Variants in CBX5 observed in about 807,000 individuals in gnomAD.
The protein encoded by CBX5 is chromobox 5, also known as chromobox protein homolog 5.
CBX5 carries 7 observed loss-of-function variants against 20.7 expected under a neutral mutation model. The ratio of observed to expected loss-of-function variants is 0.34; its 90% CI spans 0.19 to 0.63. The LOEUF (loss-of-function observed/expected upper bound fraction) is 0.63. Among genes scored for constraint, CBX5 ranks in the 30% least tolerant of loss-of-function variants. The probability of loss-of-function intolerance (pLI) is 0.75; values close to 1 mark genes in which losing one functional copy is unlikely to be tolerated. For synonymous variants in CBX5, 78 were observed against 77.0 expected, an observed-to-expected ratio of 1.01 and a Z score of -0.07; for missense variants, 110 against 224.1, an observed-to-expected ratio of 0.49 and a Z score of 3.25.
intron 4 of CBX5, among the ~76,000 whole-genome samples, chr12:54,245,432 G>A (rs538291223): frequency 3.8e-4 from 58 of 152,182 alleles, no homozygotes; most frequent in African/African-American, 1.4e-3. Flanking sequence ...ATCAGTTAAG[G>A]ATCTCTGACA....
At chr12:54,252,519 G>A in intron 2 of CBX5, 4 of 305,640 alleles carry the variant, frequency 1.3e-5, no homozygotes, top group South Asian at 7.4e-5. Context: ...AACAAAATGT[G>A]GTATATCCAT....
chr12:54,256,220 G>A (rs547400345), intron 2 of CBX5, among the ~76,000 whole-genome samples: 17 of 152,226 alleles, frequency 1.1e-4, no homozygotes, highest in African/African-American at 4.1e-4. Context: ...TGTTACTTTA[G>A]TTCCTATCTG....
At chr12:54,252,954 T>C (rs1187509652) in intron 2 of CBX5, among the ~76,000 whole-genome samples, 1 of 119,940 alleles carries the variant, frequency 8.3e-6, no homozygotes, top group Non-Finnish European at 1.6e-5. Context: ...CACTCCTGCC[T>C]GGGCGAAAAA....
Position 54,243,307 on chromosome 12 carries a change from G to A in CBX5, c.426-1402C>T, listed in dbSNP as rs142464530. The stretch of plus-strand genomic sequence containing the variant: ...AAAAGCAGTCCAGCCCAGGCACAGC[G>A]CCTCATACCTATAATCCCAGCACTT... On this transcript the variant is annotated intron_variant, in intron 4 of 4. Transcript: ENST00000209875. 5.6e-4 allele frequency among the ~76,000 whole-genome samples: 84 copies of A among 151,186 alleles called. 1 individual carries two copies. Among genetic ancestry groups the A allele is most frequent in the African/African-American group, 1.7e-3 (69 of 41,214 alleles).
chr12:54,243,825 T>C (rs1421478475), intron 4 of CBX5, among the ~76,000 whole-genome samples: 1 of 141,492 alleles, frequency 7.1e-6, no homozygotes, highest in African/African-American at 2.6e-5. Flanking sequence ...GCCGAGATGG[T>C]ACCACTGCAC....
At chr12:54,242,394 G>A (rs1001949701) in intron 4 of CBX5, among the ~76,000 whole-genome samples, 9 of 152,012 alleles carry the variant, frequency 5.9e-5, no homozygotes, top group East Asian at 3.9e-4. Flanking sequence ...GCGTGGTGGC[G>A]GGCGCCTGTA....
chr12:54,266,318 A>T (rs534815432), intron 1 of CBX5, among the ~76,000 whole-genome samples: 1 of 152,166 alleles, frequency 6.6e-6, no homozygotes, highest in South Asian at 2.1e-4. Context: ...GAATTGCTGG[A>T]ACCTGGGAAG....
rs1370075573 is a variant in CBX5, at chr12:54,234,056, T to C, written c.*7699A>G. On this transcript the variant is annotated 3_prime_UTR_variant, in exon 5 of 5. Transcript: ENST00000209875. Reference sequence around the variant, plus strand: ...TTAGCCGGGCATGGTGGCAGGCGCCTATAATCCCAGCTGCTCAGGAGGCTG... The same window carrying C: ...TTAGCCGGGCATGGTGGCAGGCGCCCATAATCCCAGCTGCTCAGGAGGCTG... 1.3e-5 allele frequency: 2 copies of C among 151,998 alleles called. No individual in the cohort carries two copies. Among genetic ancestry groups the C allele is most frequent in the African/African-American group, 4.8e-5 (2 of 41,306 alleles). 9.4% of individuals were successfully genotyped at this position (151,998 alleles called of 1,614,324 possible).
intron 3 of CBX5, among the ~76,000 whole-genome samples, chr12:54,248,417 T>C (rs893419353): frequency 7.2e-5 from 11 of 152,352 alleles, no homozygotes; most frequent in Admixed American, 5.2e-4. Context: ...ATTTTCATAA[T>C]AAAATCTCTT....
At chr12:54,271,979 A>G (rs1944014916) in intron 1 of CBX5, 1 of 152,356 alleles carries the variant, frequency 6.6e-6, no homozygotes, top group East Asian at 1.9e-4. Context: ...TGAACAAATT[A>G]GCAGTATATT....
intron 1 of CBX5, among the ~76,000 whole-genome samples, chr12:54,266,940 C>T (rs1476859062): frequency 2.0e-5 from 3 of 152,080 alleles, no homozygotes; most frequent in Non-Finnish European, 4.4e-5. Context: ...CTAAACCCAC[C>T]ACTGGGCAAG....
At chr12:54,275,514 T>C (rs1944055415) in intron 1 of CBX5, among the ~76,000 whole-genome samples, 1 of 151,936 alleles carries the variant, frequency 6.6e-6, no homozygotes, top group South Asian at 2.1e-4. Flanking sequence ...GTGCTGGGAT[T>C]ACAGGCATAA....
At chr12:54,254,220 C>T (rs1198023093) in intron 2 of CBX5, among the ~76,000 whole-genome samples, 1 of 149,656 alleles carries the variant, frequency 6.7e-6, no homozygotes, top group East Asian at 2.0e-4. Context: ...ATCCTAGCTA[C>T]TCAGGAGGCT....
intron 3 of CBX5, among the ~76,000 whole-genome samples, chr12:54,251,786 AGAG>A (rs1943806830): frequency 6.6e-6 from 1 of 152,222 alleles, no homozygotes; most frequent in African/African-American, 2.4e-5. Context: ...TGGAGAAGGC[AGAG>A]GAGTGGTTTA....
intron 3 of CBX5, among the ~76,000 whole-genome samples, chr12:54,250,899 A>G (rs895377814): frequency 2.7e-5 from 4 of 150,290 alleles, no homozygotes; most frequent in African/African-American, 9.8e-5. Context: ...TGGGAGGCCA[A>G]GGTGGATGGA....
Position 54,233,393 on chromosome 12 carries a change from A to C in CBX5, c.*8362T>G, listed in dbSNP as rs1204947615. The C allele has an allele frequency of 6.6e-6, 1 of 152,192 alleles. No individual in the cohort carries two copies. The highest frequency in any genetic ancestry group is 2.4e-5 in the African/African-American group (1 of 41,432). 9.4% of individuals were successfully genotyped at this position (152,192 alleles called of 1,614,324 possible). A position where few individuals can be genotyped will look rare whatever the true frequency, so the allele number is the denominator to read the frequency against. The stretch of plus-strand genomic sequence containing the variant: ...GGAGGTGAGGGGTGAGGGTGACACG[A>C]GACAAACACCAAACTCACCACCAGC... On this transcript the variant is annotated 3_prime_UTR_variant, in exon 5 of 5. Coordinates refer to ENST00000209875, the MANE Select transcript of CBX5 (RefSeq NM_012117.3).
intron 1 of CBX5, chr12:54,272,773 TAA>T (rs1944022487): frequency 1.3e-5 from 2 of 152,124 alleles, no homozygotes; most frequent in Non-Finnish European, 2.9e-5. Flanking sequence ...ATTATTGACT[TAA>T]AAAACAAACT....
At chr12:54,253,459 C>T (rs1469425153) in intron 2 of CBX5, among the ~76,000 whole-genome samples, 1 of 152,038 alleles carries the variant, frequency 6.6e-6, no homozygotes, top group Non-Finnish European at 1.5e-5. Context: ...GGCGCAGTGA[C>T]TCACGCCTGT....
intron 1 of CBX5, among the ~76,000 whole-genome samples, chr12:54,260,742 T>C (rs1263013849): frequency 6.6e-6 from 1 of 152,160 alleles, no homozygotes; most frequent in East Asian, 1.9e-4. Flanking sequence ...AAAAAAGATA[T>C]ATAGAGACTT....
Sources: allele counts gnomAD v4.1 joint callset (sites outside exome capture counted in the v4.1 genomes callset), GRCh38; gene constraint gnomAD v4.1.1; transcripts MANE v1.5; gene names NCBI Gene and HGNC (gene_info 2026-07-23, HGNC 2026-07-21).